Variants in ATP13A5 observed in about 807,000 individuals in gnomAD.
The protein encoded by ATP13A5 is ATPase 13A5, also known as probable cation-transporting ATPase 13A5.
ATP13A5 carries 149 observed loss-of-function variants against 150.2 expected under a neutral mutation model. The observed-to-expected ratio is 0.99, with a 90% CI of 0.87 to 1.14. The LOEUF (loss-of-function observed/expected upper bound fraction) is 1.14, where lower values mean the gene tolerates loss of function less well. Ranked by LOEUF, ATP13A5 falls within the 50% of genes most tolerant of loss-of-function variation. The pLI, the probability that ATP13A5 is intolerant of heterozygous loss-of-function variation, is 0.00. For missense variants in ATP13A5, 1,383 were observed against 1,449.3 expected (o/e 0.95, Z 0.74); for synonymous variants, 497 against 522.2 (o/e 0.95, Z 0.66).
At chr3:193,378,578 A>T (rs113411505) in intron 1 of ATP13A5, 85 bp downstream of exon 1, 1 of 1,206,288 alleles carries the variant, frequency 8.3e-7, no homozygotes, top group East Asian at 2.3e-5. Context: ...CATAAATGCT[A>T]CACTCTATTT....
chr3:193,350,942 G>A (rs1485288042), intron 7 of ATP13A5, 125 bp downstream of exon 7: 2 of 1,071,626 alleles, frequency 1.9e-6, no homozygotes, highest in Non-Finnish European at 2.7e-6. Context: ...TATTTGGTAA[G>A]CCCTCACTTT....
At chr3:193,333,622 GA>G in intron 11 of ATP13A5, 127 bp downstream of exon 11, 1 of 948,998 alleles carries the variant, frequency 1.1e-6, no homozygotes, top group Non-Finnish European at 1.6e-6. Flanking sequence ...CGCTGTCTAA[GA>G]AGCTCTTTTG....
Position 193,325,000 on chromosome 3 carries a change from TG to T in ATP13A5, c.1537del (p.His513ThrfsTer24), listed in dbSNP as rs1009866164. On this transcript the variant is annotated frameshift_variant, in exon 14 of 30. Transcript: ENST00000342358. LOFTEE classifies it high-confidence loss of function. Reference protein sequence around the residue: ...PTADNCFQEAHSFASGQAVPW... With the variant: ...PTADNCFQEAXSFASGQAVPW... ...CACAGCCTGGCCTGAGGCAAAGCTG[TG>T]GGCTTCCTGGAAGCTGGTAGAGAAG... 5.0e-6 allele frequency: 8 copies of T among 1,610,362 alleles called. No individual in the cohort carries two copies. The highest frequency in any genetic ancestry group is 6.8e-6 in the Non-Finnish European group (8 of 1,178,774).
intron 26 of ATP13A5, among the ~76,000 whole-genome samples, chr3:193,285,473 G>A (rs936806205): frequency 6.6e-6 from 1 of 152,144 alleles, no homozygotes; most frequent in Non-Finnish European, 1.5e-5. Context: ...TGAGTTTTGA[G>A]TTTGAGTCTG....
At chr3:193,297,101 A>T (rs575984258) in intron 25 of ATP13A5, among the ~76,000 whole-genome samples, 1 of 152,238 alleles carries the variant, frequency 6.6e-6, no homozygotes, top group African/African-American at 2.4e-5. Flanking sequence ...CATCCTGCAC[A>T]TGTACCCTGG....
intron 27 of ATP13A5, among the ~76,000 whole-genome samples, chr3:193,284,436 ACC>A: frequency 6.6e-6 from 1 of 152,118 alleles, no homozygotes; most frequent in Non-Finnish European, 1.5e-5. Context: ...TAAGTGCCAG[ACC>A]CTTTACATAA....
At chr3:193,367,262 T>A (rs958721838) in intron 1 of ATP13A5, among the ~76,000 whole-genome samples, 1 of 151,990 alleles carries the variant, frequency 6.6e-6, no homozygotes, top group Admixed American at 6.6e-5. Flanking sequence ...GTCAAATTGG[T>A]ACCCTGAAAA....
At chr3:193,314,483 CTT>C (rs1370591020) in intron 18 of ATP13A5, 1 of 353,632 alleles carries the variant, frequency 2.8e-6, no homozygotes, top group Non-Finnish European at 5.2e-6. Flanking sequence ...ACAGACAACT[CTT>C]AGTGGAGAAT....
intron 27 of ATP13A5, among the ~76,000 whole-genome samples, chr3:193,279,748 C>T (rs1442652289): frequency 1.3e-5 from 2 of 151,978 alleles, no homozygotes; most frequent in Middle Eastern, 3.2e-3. Flanking sequence ...GTTGTGCTTG[C>T]GTGGGATAAA....
At chr3:193,277,495 T>C (rs1717275036) in intron 28 of ATP13A5, 1 of 152,322 alleles carries the variant, frequency 6.6e-6, no homozygotes, top group South Asian at 2.1e-4. Flanking sequence ...GGAATATTTA[T>C]GGCTGACTGC....
chr3:193,278,012 C>T (rs1462280550), intron 28 of ATP13A5, among the ~76,000 whole-genome samples: 1 of 152,130 alleles, frequency 6.6e-6, no homozygotes, highest in African/African-American at 2.4e-5. Context: ...CCATGTTGGC[C>T]AGGCTGGTCT....
chr3:193,343,057 T>G (rs1477236010), intron 9 of ATP13A5, among the ~76,000 whole-genome samples: 1 of 152,222 alleles, frequency 6.6e-6, no homozygotes, highest in African/African-American at 2.4e-5. Context: ...AGACCCATTT[T>G]AATGTAAAAT....
At chr3:193,319,827 A>G (rs144953116) in intron 16 of ATP13A5, among the ~76,000 whole-genome samples, 19 of 152,326 alleles carry the variant, frequency 1.2e-4, no homozygotes, top group African/African-American at 4.6e-4. Context: ...TGTTTTTATA[A>G]ATGAAATTTC....
rs762250043 is a variant in ATP13A5, at chr3:193,305,590, T to C, written c.2647A>G (p.Thr883Ala). 1.9e-6 allele frequency: 3 copies of C among 1,613,812 alleles called. No individual in the cohort carries two copies. Among genetic ancestry groups the C allele is most frequent in the Non-Finnish European group, 2.5e-6 (3 of 1,179,860 alleles). Residue 883 changes from threonine (T) to alanine (A), a missense_variant, in exon 23 of 30, where the codon ACC becomes GCC. Thr to Ala is a moderately conservative substitution (Grantham distance 58). Transcript: ENST00000342358. ...AGATGAGGCACACACTGGATGTTGGTTGTTTTAGAGGTAAAAGGGGATGCC... is the reference window on the plus strand; with the variant it reads ...AGATGAGGCACACACTGGATGTTGGCTGTTTTAGAGGTAAAAGGGGATGCC... The part of the protein sequence containing the change: ...SVASPFTSKT[T>A]NIQCVPHLIR...
intron 5 of ATP13A5, among the ~76,000 whole-genome samples, chr3:193,357,782 A>G (rs1165770326): frequency 6.6e-6 from 1 of 152,208 alleles, no homozygotes; most frequent in Non-Finnish European, 1.5e-5. Context: ...ATTTCTCAGC[A>G]GGAAACCTGT....
At chr3:193,296,671 C>T (rs769900433) in intron 25 of ATP13A5, among the ~76,000 whole-genome samples, 2 of 151,110 alleles carry the variant, frequency 1.3e-5, no homozygotes, top group Admixed American at 6.6e-5. Flanking sequence ...TATTCGTGCT[C>T]TTTTTTTTTG....
chr3:193,353,885 A>ACC (rs1305832573), intron 6 of ATP13A5, among the ~76,000 whole-genome samples: 109 of 145,928 alleles, frequency 7.5e-4, no homozygotes, highest in East Asian at 6.0e-3. Context: ...CACCACCACC[A>ACC]AAACCACCAT....
intron 17 of ATP13A5, among the ~76,000 whole-genome samples, chr3:193,315,546 C>T (rs947284165): frequency 3.3e-5 from 5 of 152,094 alleles, no homozygotes; most frequent in African/African-American, 9.7e-5. Flanking sequence ...TTCCATCTGT[C>T]GCCTTGAATA....
At chr3:193,288,521 A>G (rs2108825368) in intron 26 of ATP13A5, among the ~76,000 whole-genome samples, 1 of 152,206 alleles carries the variant, frequency 6.6e-6, no homozygotes, top group African/African-American at 2.4e-5. Flanking sequence ...TTTAGCAATA[A>G]ATTATTTTGA....
Sources: allele counts gnomAD v4.1 joint callset (sites outside exome capture counted in the v4.1 genomes callset), GRCh38; gene constraint gnomAD v4.1.1; transcripts MANE v1.5; gene names NCBI Gene and HGNC (gene_info 2026-07-23, HGNC 2026-07-21).